ATXN10: variants seen among roughly 807,000 people sequenced by gnomAD.
ATXN10 encodes ataxin 10.
A neutral mutation model predicts 52.9 loss-of-function variants in ATXN10; 28 were observed. The observed-to-expected ratio is 0.53, with a 90% confidence interval of 0.39 to 0.73. The LOEUF is 0.73. Among genes scored for constraint, ATXN10 ranks in the 30% least tolerant of loss-of-function variants. The probability of loss-of-function intolerance (pLI) is 0.00; values close to 1 mark genes in which losing one functional copy is unlikely to be tolerated. For synonymous variants in ATXN10, 226 were observed against 221.5 expected (o/e 1.02, Z -0.18); for missense variants, 565 against 577.0 (o/e 0.98, Z 0.21).
Position 45,715,233 on chromosome 22 carries a change from T to G in ATXN10, c.648-3180T>G, listed in dbSNP as rs183290409. 3.2e-4 allele frequency among the ~76,000 whole-genome samples: 49 copies of G among 152,270 alleles called. No individual in the cohort carries two copies. The highest frequency in any genetic ancestry group is 8.5e-4 in the Admixed American group (13 of 15,290). On this transcript the variant is annotated intron_variant, in intron 5 of 11. Coordinates refer to ENST00000252934, the MANE Select transcript of ATXN10 (RefSeq NM_013236.4). This position sits in a 1 kb window ranked among gnomAD's most constrained non-coding sequence, Gnocchi z 4.4. ...CAGACCCAGTCTGTTGCCCACTGTT[T>G]AAAAACTGTTTATATATATTGTCTG...
In ATXN10 at chr22:45,690,307, C is replaced by A. The variant is rs963811280; in HGVS notation, c.308+404C>A. On this transcript the variant is annotated intron_variant, in intron 2 of 11. Coordinates refer to ENST00000252934, the MANE Select transcript of ATXN10 (RefSeq NM_013236.4). The surrounding 1 kb of genome is among the most constrained non-coding windows in gnomAD (Gnocchi z 4.5). ...AAAAAAAAAAAAAAAGTTGTTCTGG[C>A]ATGATAGTATCACCCACTGTTATTG... 1.3e-5 allele frequency among the ~76,000 whole-genome samples: 2 copies of A among 151,582 alleles called. No individual in the cohort carries two copies. The highest frequency in any genetic ancestry group is 4.8e-5 in the African/African-American group (2 of 41,272).
rs1341772538 is a variant in ATXN10 at position 45,762,411 on chromosome 22, C to T, written c.1173+21873C>T. Among the ~76,000 whole-genome samples the T allele has an allele frequency of 6.6e-6, 1 of 152,176 alleles. No individual in the cohort carries two copies. Among genetic ancestry groups the T allele is most frequent in the Non-Finnish European group, 1.5e-5 (1 of 68,036 alleles). On this transcript the variant is annotated intron_variant, in intron 9 of 11. Transcript: ENST00000252934. This position sits in a 1 kb window ranked among gnomAD's most constrained non-coding sequence, Gnocchi z 4.3. ...AGCAGATAAAGCAGTTGATTTCAGTCAGAAGCAGACCACAGCAGCAGGATT... is the reference window on the plus strand; with the variant it reads ...AGCAGATAAAGCAGTTGATTTCAGTTAGAAGCAGACCACAGCAGCAGGATT...
chr22:45,730,319 G>T (rs143804250), intron 7 of ATXN10, among the ~76,000 whole-genome samples: 1 of 150,102 alleles, frequency 6.7e-6, no homozygotes, highest in Non-Finnish European at 1.5e-5. Context: ...CCTCCAGCTC[G>T]GGTGATGCAG....
chr22:45,815,960 C>A (rs1394789344), intron 10 of ATXN10, among the ~76,000 whole-genome samples: 1 of 152,080 alleles, frequency 6.6e-6, no homozygotes, highest in Non-Finnish European at 1.5e-5. Context: ...CAATAAAATT[C>A]ACTGTCTGGC....
chr22:45,770,405 G>A lies in ATXN10; in HGVS notation c.1173+29867G>A, dbSNP rs1926735262. ...GGTGATGTGAAAAAGAGGGGGGTAT[G>A]TGATGAATATACACACTAATGGGAC... On this transcript the variant is annotated intron_variant, in intron 9 of 11. Transcript: ENST00000252934. The surrounding 1 kb of genome is among the most constrained non-coding windows in gnomAD (Gnocchi z 4.5). Among the ~76,000 whole-genome samples, 1 of 152,208 alleles carries A rather than the reference G, an allele frequency of 6.6e-6. No homozygotes were observed. The highest frequency in any genetic ancestry group is 1.5e-5 in the Non-Finnish European group (1 of 68,032).
chr22:45,721,560 A>T (rs971278479), intron 6 of ATXN10, among the ~76,000 whole-genome samples: 31 of 152,106 alleles, frequency 2.0e-4, no homozygotes, highest in Admixed American at 6.6e-5. Flanking sequence ...CAGGGCAAAT[A>T]CCTTAATCTA....
At chr22:45,743,554 T>C (rs577083578) in intron 9 of ATXN10, among the ~76,000 whole-genome samples, 1 of 152,190 alleles carries the variant, frequency 6.6e-6, no homozygotes, top group Admixed American at 6.5e-5. Flanking sequence ...TGTTTTGTCT[T>C]GATGGATTGT....
In ATXN10 at chr22:45,718,304, C is replaced by T; in HGVS notation, c.648-109C>T. The T allele has an allele frequency of 1.2e-6, 1 of 865,978 alleles. No homozygotes were observed. Among genetic ancestry groups the T allele is most frequent in the Non-Finnish European group, 2.0e-6 (1 of 505,180 alleles). 53.6% of individuals were successfully genotyped at this position (865,978 alleles called of 1,614,324 possible). ...TTAAGATTACAGCAAATCAAAAATT[C>T]ACTGAAAAGAAATGCTTTTGTGTGT... is the stretch of plus-strand genomic sequence containing the variant. On this transcript the variant is annotated intron_variant, in intron 5 of 11. Coordinates refer to ENST00000252934, the MANE Select transcript of ATXN10 (RefSeq NM_013236.4). The surrounding 1 kb of genome is among the most constrained non-coding windows in gnomAD (Gnocchi z 4.4).
chr22:45,799,199 T>G (rs1949730958), intron 9 of ATXN10, among the ~76,000 whole-genome samples: 1 of 151,864 alleles, frequency 6.6e-6, no homozygotes, highest in African/African-American at 2.4e-5. Context: ...GCCTCCCGAG[T>G]AGTTGGGATT....
At chr22:45,815,405 A>AG (rs1481945871) in intron 10 of ATXN10, among the ~76,000 whole-genome samples, 2 of 152,180 alleles carry the variant, frequency 1.3e-5, no homozygotes, top group Non-Finnish European at 2.9e-5. Flanking sequence ...GTCACATGGA[A>AG]GTACACGTGA....
At position 45,689,784 on chromosome 22, in the gene ATXN10, T is replaced by G. The variant is rs1302260770; in HGVS notation, c.189T>G (p.Leu63=). Residue 63 remains leucine, a synonymous_variant, in exon 2 of 12, where the codon CTT becomes CTG. Transcript: ENST00000252934. ...ILKKSSHAVE[L]ACRDPSQVEN... is the part of the protein sequence containing the mutation. ...AGAAATCTTCTCATGCTGTTGAGCT[T>G]GCCTGCAGAGATCCATCCCAAGTGG... 1.9e-6 allele frequency: 3 copies of G among 1,614,108 alleles called. No homozygotes were observed. The highest frequency in any genetic ancestry group is 2.2e-5 in the East Asian group (1 of 44,896).
chr22:45,789,107 C>G lies in ATXN10; in HGVS notation c.1174-17852C>G, dbSNP rs147528841. ...AAGTCACTGCTCTGTATCAGTGCTTCTTCAGACTGTATCAGCACATCTTCA... is the reference window on the plus strand; with the variant it reads ...AAGTCACTGCTCTGTATCAGTGCTTGTTCAGACTGTATCAGCACATCTTCA... On this transcript the variant is annotated intron_variant, in intron 9 of 11. Coordinates refer to ENST00000252934, the MANE Select transcript of ATXN10 (RefSeq NM_013236.4). This position sits in a 1 kb window ranked among gnomAD's most constrained non-coding sequence, Gnocchi z 4.0. Among the ~76,000 whole-genome samples, 67 of 152,320 alleles carry G rather than the reference C, an allele frequency of 4.4e-4. No individual in the cohort carries two copies. Among genetic ancestry groups the G allele is most frequent in the African/African-American group, 1.5e-3 (62 of 41,586 alleles).
rs1047591266 is a variant in ATXN10 at position 45,770,162 on chromosome 22, T to C, written c.1173+29624T>C. ...TACTCCTGTCTTACACATGAGGACA[T>C]GAGGAACCAAAGTCAAAAGTAATTT... On this transcript the variant is annotated intron_variant, in intron 9 of 11. Transcript: ENST00000252934. This position sits in a 1 kb window ranked among gnomAD's most constrained non-coding sequence, Gnocchi z 4.5. Among the ~76,000 whole-genome samples, 30 of 152,348 alleles carry C rather than the reference T, an allele frequency of 2.0e-4. No homozygotes were observed. The highest frequency in any genetic ancestry group is 3.4e-3 in the Middle Eastern group (1 of 294).
chr22:45,810,014 G>A (rs1195449578), intron 10 of ATXN10, among the ~76,000 whole-genome samples: 1 of 151,988 alleles, frequency 6.6e-6, no homozygotes, highest in Non-Finnish European at 1.5e-5. Flanking sequence ...AGGTTATGAT[G>A]ATAATAATAT....
rs1264961863 is a variant in ATXN10, at chr22:45,769,251, CA to C, written c.1173+28717del. 6.6e-6 allele frequency among the ~76,000 whole-genome samples: 1 copy of C among 152,058 alleles called. No homozygotes were observed. The highest frequency in any genetic ancestry group is 2.4e-5 in the African/African-American group (1 of 41,392). ...CATGGAATCTGAAAGGCAGCTTTAT[CA>C]AAAGAGTAACGTGTGCAGATGGGCG... On this transcript the variant is annotated intron_variant, in intron 9 of 11. Coordinates refer to ENST00000252934, the MANE Select transcript of ATXN10 (RefSeq NM_013236.4). This position sits in a 1 kb window ranked among gnomAD's most constrained non-coding sequence, Gnocchi z 4.2.
In ATXN10 at chr22:45,845,271, AAC is replaced by A. The variant is rs1187576381; in HGVS notation, c.*1604_*1605del. 1 of 152,224 alleles carries A rather than the reference AAC, an allele frequency of 6.6e-6. No homozygotes were observed. Among genetic ancestry groups the A allele is most frequent in the African/African-American group, 2.4e-5 (1 of 41,442 alleles). The allele number at this position is 152,224 out of a possible 1,614,324, so 9.4% of individuals were successfully genotyped here. On this transcript the variant is annotated 3_prime_UTR_variant, in exon 12 of 12. Coordinates refer to ENST00000252934, the MANE Select transcript of ATXN10 (RefSeq NM_013236.4). The surrounding 1 kb of genome is among the most constrained non-coding windows in gnomAD (Gnocchi z 4.7). The stretch of plus-strand genomic sequence containing the variant: ...TGTCGGTATGAGCTATATAATAACA[AAC>A]ACAAATAAATAAAAGGGAGCCTTGT...
In ATXN10 at chr22:45,786,375, G is replaced by C. The variant is rs1245468874; in HGVS notation, c.1174-20584G>C. The stretch of plus-strand genomic sequence containing the variant: ...ATTCCTTTCTTTTTGGAGGTGTCAT[G>C]GGGAGCAGGGTTAGTTTATGGGATG... On this transcript the variant is annotated intron_variant, in intron 9 of 11. Coordinates refer to ENST00000252934, the MANE Select transcript of ATXN10 (RefSeq NM_013236.4). This position sits in a 1 kb window ranked among gnomAD's most constrained non-coding sequence, Gnocchi z 4.1. Among the ~76,000 whole-genome samples the C allele has an allele frequency of 6.6e-6, 1 of 152,192 alleles. No homozygotes were observed. The highest frequency in any genetic ancestry group is 1.5e-5 in the Non-Finnish European group (1 of 68,032).
intron 7 of ATXN10, among the ~76,000 whole-genome samples, chr22:45,735,812 C>CTTTTTTTTTTTTTTTT (rs746222703): frequency 9.1e-5 from 6 of 65,816 alleles, no homozygotes; most frequent in Admixed American, 2.0e-4. Context: ...ATTTGCTTGT[C>CTTTTTTTTTTTTTTTT]TTTTTTTTTT....
rs189199033 is a variant in ATXN10, at chr22:45,772,681, C to T, written c.1173+32143C>T. ...TCTTACTGTGTTGAGTCTTCCAATC[C>T]GTGAACCAGGAATGTCTTTCTATTT... On this transcript the variant is annotated intron_variant, in intron 9 of 11. Coordinates refer to ENST00000252934, the MANE Select transcript of ATXN10 (RefSeq NM_013236.4). The surrounding 1 kb of genome is among the most constrained non-coding windows in gnomAD (Gnocchi z 4.1). 3.4e-4 allele frequency among the ~76,000 whole-genome samples: 52 copies of T among 152,276 alleles called. No individual in the cohort carries two copies. The highest frequency in any genetic ancestry group is 1.2e-3 in the African/African-American group (48 of 41,558).
Sources: allele counts gnomAD v4.1 joint callset (sites outside exome capture counted in the v4.1 genomes callset), GRCh38; gene constraint gnomAD v4.1.1; non-coding constraint Gnocchi (gnomAD v3.1); transcripts MANE v1.5; gene names NCBI Gene and HGNC (gene_info 2026-07-23, HGNC 2026-07-21).